WARS2: variants seen among roughly 807,000 people sequenced by gnomAD.
WARS2 encodes tryptophanyl tRNA synthetase 2, mitochondrial.
Under a neutral mutation model 36.5 loss-of-function variants are expected in WARS2, and 28 were observed. That is an observed-to-expected ratio of 0.77 (90% confidence interval 0.57 to 1.05). WARS2 has a LOEUF of 1.05. WARS2 is among the 50% of genes least tolerant of loss of function. The probability of loss-of-function intolerance (pLI) is 0.00; values close to 1 mark genes in which losing one functional copy is unlikely to be tolerated. For missense variants in WARS2, 435 were observed against 456.8 expected, an observed-to-expected ratio of 0.95 and a Z score of 0.44; for synonymous variants, 174 against 178.4, an observed-to-expected ratio of 0.98 and a Z score of 0.20.
chr1:119,076,730 C>T (rs1250284411), intron 1 of WARS2, 123 bp from the exon 2 acceptor site: 17 of 1,403,486 alleles, frequency 1.2e-5, no homozygotes, highest in Non-Finnish European at 1.6e-5. Context: ...CAGTCATCAT[C>T]ATCCATTTAT....
chr1:119,092,997 G>A (rs1653150104), intron 1 of WARS2, among the ~76,000 whole-genome samples: 1 of 152,034 alleles, frequency 6.6e-6, no homozygotes, highest in Non-Finnish European at 1.5e-5. Flanking sequence ...ACCTGAACCA[G>A]CATTTAAAAG....
At chr1:119,035,474 G>C (rs1285906031) in intron 4 of WARS2, among the ~76,000 whole-genome samples, 1 of 152,064 alleles carries the variant, frequency 6.6e-6, no homozygotes, top group African/African-American at 2.4e-5. Context: ...TTGATAGTAA[G>C]AGCTCAATAA....
chr1:119,093,031 C>G (rs1383599760), intron 1 of WARS2, among the ~76,000 whole-genome samples: 1 of 152,104 alleles, frequency 6.6e-6, no homozygotes, highest in African/African-American at 2.4e-5. Flanking sequence ...CTGATTCTTC[C>G]TTTTTCACAG....
chr1:119,036,457 G>A lies in WARS2; in HGVS notation c.516-2244C>T, dbSNP rs182388447. ...ACTTTCTCTTCTTTGAGTGGACTTC[G>A]CTATACCTGTCTTGTAATTATAGTG... On this transcript the variant is annotated intron_variant, in intron 4 of 5. Transcript: ENST00000235521. Among the ~76,000 whole-genome samples the A allele has an allele frequency of 1.7e-4, 26 of 152,204 alleles. 4 individuals carry two copies. The highest frequency in any genetic ancestry group is 3.4e-3 in the Middle Eastern group (1 of 294).
At chr1:119,089,675 T>C (rs757393673) in intron 1 of WARS2, among the ~76,000 whole-genome samples, 9 of 152,218 alleles carry the variant, frequency 5.9e-5, no homozygotes, top group Non-Finnish European at 1.2e-4. Context: ...ATTCAATGTA[T>C]GGAAATCTGT....
chr1:119,077,344 T>C (rs1038232235), intron 1 of WARS2, among the ~76,000 whole-genome samples: 1 of 152,100 alleles, frequency 6.6e-6, no homozygotes, highest in African/African-American at 2.4e-5. Context: ...CCTTCAGACA[T>C]AGAATGAAAT....
chr1:119,119,833 G>T (rs1405236578), intron 1 of WARS2, among the ~76,000 whole-genome samples: 1 of 152,008 alleles, frequency 6.6e-6, no homozygotes, highest in Non-Finnish European at 1.5e-5. Flanking sequence ...ATGAAATAAA[G>T]ATGGAAATTA....
At chr1:119,085,742 C>T (rs1652601239) in intron 1 of WARS2, 2 of 1,581,306 alleles carry the variant, frequency 1.3e-6, no homozygotes, top group South Asian at 1.1e-5. Flanking sequence ...TCCCAGTCTT[C>T]TTGTCCCACA....
intron 1 of WARS2, chr1:119,086,083 C>G: frequency 2.0e-6 from 2 of 1,007,332 alleles, no homozygotes; most frequent in Non-Finnish European, 2.9e-6. Flanking sequence ...TGGTCTCAAA[C>G]TCCTAGCCTT....
At chr1:119,107,315 T>G (rs1166905972) in intron 1 of WARS2, among the ~76,000 whole-genome samples, 2 of 152,166 alleles carry the variant, frequency 1.3e-5, no homozygotes, top group East Asian at 3.8e-4. Context: ...TGTAATGAAG[T>G]GCAGCTTAGC....
At chr1:119,116,871 G>A (rs1044220319) in intron 1 of WARS2, among the ~76,000 whole-genome samples, 3 of 152,170 alleles carry the variant, frequency 2.0e-5, no homozygotes, top group Admixed American at 6.5e-5. Flanking sequence ...TTTCAACCGA[G>A]CACGAACTTC....
At chr1:119,135,815 A>G (rs1656467727) in intron 1 of WARS2, among the ~76,000 whole-genome samples, 1 of 152,120 alleles carries the variant, frequency 6.6e-6, no homozygotes, top group Non-Finnish European at 1.5e-5. Context: ...TTTTTCAGAC[A>G]GGATCTTAAC....
At chr1:119,075,304 T>C (rs759006340) in intron 2 of WARS2, among the ~76,000 whole-genome samples, 72 of 152,138 alleles carry the variant, frequency 4.7e-4, no homozygotes, top group Non-Finnish European at 9.1e-4. Flanking sequence ...ATAAGTAATG[T>C]AGAGATGGTT....
At chr1:119,089,907 T>G (rs370170701) in intron 1 of WARS2, among the ~76,000 whole-genome samples, 2 of 152,236 alleles carry the variant, frequency 1.3e-5, no homozygotes, top group South Asian at 4.1e-4. Context: ...TTCTCACTTA[T>G]AAGTGGGAGC....
At chr1:119,112,099 T>G (rs1654680542) in intron 1 of WARS2, among the ~76,000 whole-genome samples, 1 of 152,094 alleles carries the variant, frequency 6.6e-6, no homozygotes, top group Non-Finnish European at 1.5e-5. Context: ...ATTTTGTATT[T>G]TTAGTAGAGA....
intron 1 of WARS2, among the ~76,000 whole-genome samples, chr1:119,097,251 G>GA (rs751724805): frequency 3.9e-5 from 6 of 152,094 alleles, no homozygotes; most frequent in Non-Finnish European, 8.8e-5. Flanking sequence ...TACTGTAGCA[G>GA]AAAAAATAGC....
intron 2 of WARS2, among the ~76,000 whole-genome samples, chr1:119,073,185 A>T (rs1651462248): frequency 6.6e-6 from 1 of 152,014 alleles, no homozygotes; most frequent in Non-Finnish European, 1.5e-5. Context: ...AAAAGAAAGT[A>T]ACATCAGTGA....
chr1:119,035,305 G>A (rs980452242), intron 4 of WARS2, among the ~76,000 whole-genome samples: 2 of 152,044 alleles, frequency 1.3e-5, no homozygotes, highest in African/African-American at 4.8e-5. Flanking sequence ...GTGCGCTGAG[G>A]TTTTTTTAAT....
chr1:119,108,735 TTTATTTTCACTTGC>T (rs1416802903), intron 1 of WARS2, among the ~76,000 whole-genome samples: 2 of 152,010 alleles, frequency 1.3e-5, no homozygotes, highest in Non-Finnish European at 1.5e-5. Flanking sequence ...CAATTTATTA[TTTATTTTCACTTGC>T]TTATTTTCAA....
Sources: allele counts gnomAD v4.1 joint callset (sites outside exome capture counted in the v4.1 genomes callset), GRCh38; gene constraint gnomAD v4.1.1; transcripts MANE v1.5; gene names NCBI Gene and HGNC (gene_info 2026-07-23, HGNC 2026-07-21).